Variants in RSU1 observed in about 807,000 individuals in gnomAD.
RSU1 encodes Ras suppressor protein 1.
A neutral mutation model predicts 31.1 loss-of-function variants in RSU1; 26 were observed. The observed-to-expected ratio is 0.84, with a 90% CI of 0.61 to 1.16. RSU1 has a LOEUF of 1.16. Ranked by LOEUF, RSU1 falls within the 50% of genes most tolerant of loss-of-function variation. The pLI is 0.00. For missense variants in RSU1, 320 were observed against 339.1 expected (o/e 0.94, Z 0.44); for synonymous variants, 164 against 136.3 (o/e 1.20, Z -1.41).
chr10:16,790,870 G>T (rs1588537841), intron 2 of RSU1, among the ~76,000 whole-genome samples: 1 of 152,166 alleles, frequency 6.6e-6, no homozygotes. Flanking sequence ...CTTCCACCAT[G>T]ATTATAAGTT....
intron 2 of RSU1, among the ~76,000 whole-genome samples, chr10:16,812,165 G>T (rs544320647): frequency 2.0e-5 from 3 of 152,360 alleles, no homozygotes; most frequent in African/African-American, 7.2e-5. Flanking sequence ...TTTAAGGCCG[G>T]GCACAGTGGC....
chr10:16,639,368 G>A (rs1011129331), intron 8 of RSU1, among the ~76,000 whole-genome samples: 3 of 152,196 alleles, frequency 2.0e-5, no homozygotes, highest in African/African-American at 7.2e-5. Flanking sequence ...CAAAACAGCA[G>A]CCCTTACTAT....
At chr10:16,783,108 G>A (rs925626499) in intron 2 of RSU1, among the ~76,000 whole-genome samples, 2 of 151,394 alleles carry the variant, frequency 1.3e-5, no homozygotes, top group African/African-American at 4.9e-5. Context: ...TGTGGTTCTC[G>A]TTATTTTGCC....
intron 2 of RSU1, among the ~76,000 whole-genome samples, chr10:16,808,539 T>C (rs1406317882): frequency 1.4e-5 from 2 of 147,730 alleles, no homozygotes; most frequent in African/African-American, 5.0e-5. Context: ...ACTGCCTGAG[T>C]GACACTGGGG....
intron 7 of RSU1, among the ~76,000 whole-genome samples, chr10:16,735,436 C>T (rs781196900): frequency 4.6e-5 from 7 of 152,174 alleles, no homozygotes; most frequent in Non-Finnish European, 1.0e-4. Context: ...TTATACCTTT[C>T]CACATTGGCA....
At chr10:16,684,602 C>T (rs903436010) in intron 8 of RSU1, among the ~76,000 whole-genome samples, 10 of 152,108 alleles carry the variant, frequency 6.6e-5, no homozygotes, top group Admixed American at 3.9e-4. Context: ...GGAGAGAGGC[C>T]TTAGACAAAC....
chr10:16,776,503 A>AC (rs1554774007), intron 3 of RSU1, among the ~76,000 whole-genome samples: 2 of 151,428 alleles, frequency 1.3e-5, no homozygotes, highest in African/African-American at 2.4e-5. Context: ...AAAAAAAAAA[A>AC]CCCACATTTT....
chr10:16,597,235 C>A (rs796753450), intron 8 of RSU1, among the ~76,000 whole-genome samples: 3 of 152,158 alleles, frequency 2.0e-5, no homozygotes, highest in South Asian at 2.1e-4. Context: ...TTGGCCCTGA[C>A]GATGGGGATC....
At chr10:16,675,066 G>A (rs1439546599) in intron 8 of RSU1, among the ~76,000 whole-genome samples, 1 of 151,474 alleles carries the variant, frequency 6.6e-6, no homozygotes, top group African/African-American at 2.4e-5. Context: ...AATTAGCTAG[G>A]CATGGTGGTA....
chr10:16,808,193 T>C (rs1838316999), intron 2 of RSU1, among the ~76,000 whole-genome samples: 1 of 151,842 alleles, frequency 6.6e-6, no homozygotes, highest in Non-Finnish European at 1.5e-5. Flanking sequence ...AAGAGTGAAC[T>C]CCAACCGGGC....
intron 7 of RSU1, among the ~76,000 whole-genome samples, chr10:16,721,078 A>G (rs1424118053): frequency 6.6e-6 from 1 of 152,212 alleles, no homozygotes; most frequent in Non-Finnish European, 1.5e-5. Context: ...CAAACATTCC[A>G]TTAGTACAGT....
intron 7 of RSU1, among the ~76,000 whole-genome samples, chr10:16,711,721 T>C (rs61842316): frequency 0.028 from 4,217 of 152,336 alleles, 104 homozygotes; most frequent in South Asian, 0.05. Context: ...TGTTGTTTTC[T>C]AGTTTCATAC....
chr10:16,725,554 C>G (rs1486511595), intron 7 of RSU1, among the ~76,000 whole-genome samples: 1 of 151,956 alleles, frequency 6.6e-6, no homozygotes, highest in Non-Finnish European at 1.5e-5. Context: ...ACACCTAAAC[C>G]CCTGTGAAAG....
chr10:16,616,907 C>T (rs1279623240), intron 8 of RSU1, among the ~76,000 whole-genome samples: 1 of 151,972 alleles, frequency 6.6e-6, no homozygotes, highest in Non-Finnish European at 1.5e-5. Context: ...CAATATCATA[C>T]TGAACGGGTA....
At chr10:16,795,754 T>G (rs1392243799) in intron 2 of RSU1, among the ~76,000 whole-genome samples, 4 of 152,214 alleles carry the variant, frequency 2.6e-5, no homozygotes, top group African/African-American at 7.2e-5. Context: ...GTTGTTTTTT[T>G]GCCAAAGTTA....
At chr10:16,767,462 C>T in intron 3 of RSU1, 1 of 152,088 alleles carries the variant, frequency 6.6e-6, no homozygotes, top group Non-Finnish European at 1.5e-5. Context: ...TTTGTGAACG[C>T]AAACAATAAC....
At chr10:16,727,304 C>G (rs1316924607) in intron 7 of RSU1, 1 of 321,002 alleles carries the variant, frequency 3.1e-6, no homozygotes, top group Admixed American at 4.0e-5. Context: ...CCCAAAGCAC[C>G]CAATTCAACT....
chr10:16,672,405 C>T (rs1401886213), intron 8 of RSU1, among the ~76,000 whole-genome samples: 1 of 152,196 alleles, frequency 6.6e-6, no homozygotes, highest in East Asian at 1.9e-4. Flanking sequence ...CAACAAAAGA[C>T]TTTTACACAA....
chr10:16,619,813 C>A (rs1834038162), intron 8 of RSU1, among the ~76,000 whole-genome samples: 1 of 152,136 alleles, frequency 6.6e-6, no homozygotes, highest in Non-Finnish European at 1.5e-5. Context: ...TATATTGCAA[C>A]CCATTTAGAA....
Sources: gnomAD v4.1 joint callset for allele counts (sites outside exome capture counted in the v4.1 genomes callset) on GRCh38, gnomAD v4.1.1 for gene constraint, MANE v1.5 for transcripts, NCBI Gene and HGNC (gene_info 2026-07-23, HGNC 2026-07-21) for gene names.